PRKX: variants seen among roughly 807,000 people sequenced by gnomAD.
PRKX encodes protein kinase cAMP-dependent X-linked catalytic subunit, also known as cAMP-dependent protein kinase catalytic subunit PRKX.
PRKX carries 12 observed loss-of-function variants against 22.0 expected under a neutral mutation model. The ratio of observed to expected loss-of-function variants is 0.54; its 90% CI spans 0.35 to 0.88. The LOEUF (loss-of-function observed/expected upper bound fraction) is 0.88, where lower values mean the gene tolerates loss of function less well. Among genes scored for constraint, PRKX ranks in the 40% least tolerant of loss-of-function variants. The probability of loss-of-function intolerance (pLI) is 0.01; values close to 1 mark genes in which losing one functional copy is unlikely to be tolerated. For synonymous variants in PRKX, 134 were observed against 137.7 expected, an observed-to-expected ratio of 0.97 and a Z score of 0.19; for missense variants, 217 against 308.0, an observed-to-expected ratio of 0.70 and a Z score of 2.21.
intron 5 of PRKX, among the ~76,000 whole-genome samples, chrX:3,622,567 C>T (rs1214021465): frequency 9.0e-6 from 1 of 110,569 alleles, no homozygotes; most frequent in Non-Finnish European, 1.9e-5. Flanking sequence ...TTGTGAATCT[C>T]GCCAGTGCTG....
intron 2 of PRKX, among the ~76,000 whole-genome samples, chrX:3,656,387 T>C (rs1927481161): frequency 9.0e-6 from 1 of 111,664 alleles, no homozygotes; most frequent in African/African-American, 3.3e-5. Context: ...TGTTAGAATA[T>C]GAACGTAGAT....
rs60593114 is a variant in PRKX at position 3,623,151 on chromosome X, CGTGTGTGTGTGTGTGT to C, written c.816-1851_816-1836del. 4.2e-5 allele frequency among the ~76,000 whole-genome samples: 4 copies of C among 96,118 alleles called. No homozygotes were observed. The East Asian group carries it at 1.3e-3, about 31-fold the overall frequency. The allele number at this position is 96,118 out of a possible 115,157, so 83.5% of individuals were successfully genotyped here. On this transcript the variant is annotated intron_variant, in intron 5 of 8. Transcript: ENST00000262848. ...TTGGTGATCACCTGATAAATTTCAACGTGTGTGTGTGTGTGTGTGTGTGTGTGTGTGTGTGTCATGT... is the reference window on the plus strand; with the variant it reads ...TTGGTGATCACCTGATAAATTTCAACGTGTGTGTGTGTGTGTGTGTCATGT...
chrX:3,638,107 T>G (rs1197658216), intron 4 of PRKX, among the ~76,000 whole-genome samples: 4 of 111,581 alleles, frequency 3.6e-5, no homozygotes, highest in Non-Finnish European at 7.5e-5. Flanking sequence ...ACATTACAAT[T>G]AGGTTATTTT....
chrX:3,622,788 C>A (rs1926583884), intron 5 of PRKX, among the ~76,000 whole-genome samples: 2 of 111,263 alleles, frequency 1.8e-5, no homozygotes, highest in African/African-American at 3.3e-5. Flanking sequence ...AGAAACCTTT[C>A]CACTACTTAG....
intron 3 of PRKX, among the ~76,000 whole-genome samples, chrX:3,643,518 TAG>T (rs1418877225): frequency 9.0e-6 from 1 of 110,879 alleles, no homozygotes; most frequent in African/African-American, 3.3e-5. Flanking sequence ...TACTGCTGGG[TAG>T]AATGTCGCTT....
intron 2 of PRKX, among the ~76,000 whole-genome samples, chrX:3,671,119 C>T (rs1450362132): frequency 9.0e-6 from 1 of 111,620 alleles, no homozygotes; most frequent in Non-Finnish European, 1.9e-5. Flanking sequence ...TCACTGCAAG[C>T]TCTGCCTCCC....
chrX:3,611,392 A>G (rs1926292301), intron 8 of PRKX: 1 of 112,443 alleles, frequency 8.9e-6, no homozygotes, highest in Non-Finnish European at 1.9e-5. Context: ...ATGTCAATGA[A>G]TAGACACATC....
chrX:3,687,048 T>A (rs754399140), intron 1 of PRKX, among the ~76,000 whole-genome samples: 19 of 111,217 alleles, frequency 1.7e-4, no homozygotes, highest in Non-Finnish European at 3.0e-4. Flanking sequence ...AAGAGACAGG[T>A]CTCACTCTGT....
chrX:3,689,762 G>A (rs1370361716), intron 1 of PRKX, among the ~76,000 whole-genome samples: 3 of 112,061 alleles, frequency 2.7e-5, no homozygotes, highest in Non-Finnish European at 3.8e-5. Flanking sequence ...CGGATCACAA[G>A]GTCAGGAGAT....
rs1926236121 is a variant in PRKX at position 3,608,770 on chromosome X, A to C, written c.*199T>G. ...TTTTCAAAACCTTCCTACAGTGTGG[A>C]ATTCCAGTTGCTTAAATAATGCCAG... On this transcript the variant is annotated 3_prime_UTR_variant, in exon 9 of 9. Transcript: ENST00000262848. 1 of 112,386 alleles carries C rather than the reference A, an allele frequency of 8.9e-6. No homozygotes were observed. Among genetic ancestry groups the C allele is most frequent in the Non-Finnish European group, 1.9e-5 (1 of 53,333 alleles). The allele number at this position is 112,386 out of a possible 1,213,427, so 9.3% of individuals were successfully genotyped here. A position where few individuals can be genotyped will look rare whatever the true frequency, so the allele number is the denominator to read the frequency against.
At chrX:3,611,636 A>G (rs1926297184) in intron 8 of PRKX, among the ~76,000 whole-genome samples, 1 of 112,016 alleles carries the variant, frequency 8.9e-6, no homozygotes, top group African/African-American at 3.2e-5. Context: ...GGGATTCTAA[A>G]AAATATTATT....
At chrX:3,644,234 CAAAA>C (rs35016428) in intron 3 of PRKX, among the ~76,000 whole-genome samples, 11 of 45,069 alleles carry the variant, frequency 2.4e-4, no homozygotes, top group Admixed American at 1.2e-3. Flanking sequence ...CACTCCTTTA[CAAAA>C]AAAAAAAAAA....
rs35004174 is a variant in PRKX at position 3,709,183 on chromosome X, C to CAA, written c.166+3903_166+3904dup. Among the ~76,000 whole-genome samples, 114 of 47,432 alleles carry CAA rather than the reference C, an allele frequency of 2.4e-3. 2 individuals carry two copies. Among genetic ancestry groups the CAA allele is most frequent in the East Asian group, 6.3e-3 (9 of 1,439 alleles). The allele number at this position is 47,432 out of a possible 115,157, so 41.2% of individuals were successfully genotyped here. ...TGGGCAACAGAGTGAGACCCTGTCT[C>CAA]AAAAAAAAAAAAAAAAAAAAGCTGA... On this transcript the variant is annotated intron_variant, in intron 1 of 8. Transcript: ENST00000262848.
chrX:3,700,409 C>T (rs767330610), intron 1 of PRKX, among the ~76,000 whole-genome samples: 1 of 112,183 alleles, frequency 8.9e-6, no homozygotes, highest in South Asian at 3.7e-4. Flanking sequence ...AAAATAAAAT[C>T]CTAACCTATT....
intron 1 of PRKX, among the ~76,000 whole-genome samples, chrX:3,678,623 C>T (rs1003883157): frequency 2.7e-5 from 3 of 112,182 alleles, no homozygotes; most frequent in Non-Finnish European, 3.7e-5. Context: ...GTCCCGCCAA[C>T]GCCACAATCA....
At chrX:3,670,827 G>T (rs1014448823) in intron 2 of PRKX, among the ~76,000 whole-genome samples, 3 of 111,237 alleles carry the variant, frequency 2.7e-5, no homozygotes, top group Non-Finnish European at 5.7e-5. Flanking sequence ...TTATAAGTGT[G>T]AGTCAACATG....
At chrX:3,674,842 C>CG in intron 1 of PRKX, 76 bp from the exon 2 acceptor site, 2 of 1,118,974 alleles carry the variant, frequency 1.8e-6, no homozygotes, top group Non-Finnish European at 2.5e-6. Flanking sequence ...ATGCAATCAG[C>CG]GGGGGGCTGC....
rs1926829935 is a variant in PRKX at position 3,633,567 on chromosome X, C to CA, written c.720-7054dup. ...AACAGAGCAAAACTGTCTGCAAAAA[C>CA]AAAAAAAGAAAAATGAAAAAAATTT... On this transcript the variant is annotated intron_variant, in intron 4 of 8. Transcript: ENST00000262848. 2.7e-5 allele frequency among the ~76,000 whole-genome samples: 3 copies of CA among 110,724 alleles called. No homozygotes were observed. The South Asian group carries it at 1.2e-3, about 43-fold the overall frequency.
intron 1 of PRKX, among the ~76,000 whole-genome samples, chrX:3,705,425 A>C (rs1359265999): frequency 1.8e-5 from 2 of 110,946 alleles, no homozygotes; most frequent in African/African-American, 3.3e-5. Context: ...GGACACAAAT[A>C]TGATGATGGT....
Sources: gnomAD v4.1 joint callset for allele counts (sites outside exome capture counted in the v4.1 genomes callset) on GRCh38, gnomAD v4.1.1 for gene constraint, MANE v1.5 for transcripts, NCBI Gene and HGNC (gene_info 2026-07-23, HGNC 2026-07-21) for gene names.